Variants in FKBP7 observed in about 807,000 individuals in gnomAD.
FKBP7 encodes the protein FKBP prolyl isomerase 7, also known as peptidyl-prolyl cis-trans isomerase FKBP7.
FKBP7 carries 24 observed loss-of-function variants against 24.3 expected under a neutral mutation model. That is an observed-to-expected ratio of 0.99 (90% CI 0.72 to 1.39). FKBP7 has a LOEUF of 1.39. Among genes scored for constraint, FKBP7 ranks in the 40% most tolerant of loss-of-function variants. FKBP7 has a pLI of 0.00. For synonymous variants in FKBP7, 98 were observed against 92.8 expected (o/e 1.06, Z -0.32); for missense variants, 257 against 269.5 (o/e 0.95, Z 0.33).
rs371066998 is a variant in FKBP7 at position 178,477,077 on chromosome 2, C to T, written c.358G>A (p.Gly120Arg). ...KVVIPPSFAY[G>R]KEGYAEGKIP... Reference sequence around the variant, plus strand: ...AACATCTTACCATAGCCTTCCTTTCCGTATGCAAATGAAGGGGGTATAACT... The same window carrying T: ...AACATCTTACCATAGCCTTCCTTTCTGTATGCAAATGAAGGGGGTATAACT... The change falls in exon 2 of 4, where the codon GGA (glycine) becomes AGA (arginine). Residue 120 changes from glycine to arginine, a missense_variant. By Grantham distance (125) the Gly-to-Arg change is moderately radical (BLOSUM62 -2). Coordinates refer to ENST00000424785, the MANE Select transcript of FKBP7 (RefSeq NM_181342.3). The T allele has an allele frequency of 4.4e-6, 7 of 1,597,704 alleles. No individual in the cohort carries two copies. The highest frequency in any genetic ancestry group is 3.6e-5 in the Admixed American group (2 of 54,944).
chr2:178,470,158 C>G (rs1320172467), intron 2 of FKBP7, among the ~76,000 whole-genome samples: 1 of 152,072 alleles, frequency 6.6e-6, no homozygotes, highest in Non-Finnish European at 1.5e-5. Flanking sequence ...TGGATTCAAC[C>G]AGTCTCGGCT....
chr2:178,472,365 G>A (rs2154126933), intron 2 of FKBP7, among the ~76,000 whole-genome samples: 1 of 152,122 alleles, frequency 6.6e-6, no homozygotes, highest in Non-Finnish European at 1.5e-5. Flanking sequence ...ATACGCCACT[G>A]TGCCCAGCCC....
rs1685030364 is a variant in FKBP7 at position 178,477,087 on chromosome 2, T to A, written c.348A>T (p.Ser116=). The A allele has an allele frequency of 1.9e-6, 3 of 1,604,706 alleles. No individual in the cohort carries two copies. The South Asian group carries it at 3.4e-5, about 18-fold the overall frequency. The change falls in exon 2 of 4, where the codon TCA becomes TCT. Residue 116 remains serine (S), a synonymous_variant. Transcript: ENST00000424785. Reference sequence around the variant, plus strand: ...CATAGCCTTCCTTTCCGTATGCAAATGAAGGGGGTATAACTACTTTTCGCT... The same window carrying A: ...CATAGCCTTCCTTTCCGTATGCAAAAGAAGGGGGTATAACTACTTTTCGCT... ...GEKRKVVIPP[S]FAYGKEGYAE... is the part of the protein sequence containing the mutation.
chr2:178,473,138 A>G, intron 2 of FKBP7: 1 of 1,273,392 alleles, frequency 7.9e-7, no homozygotes, highest in Non-Finnish European at 1.0e-6. Context: ...TTCTTCAAGT[A>G]CTACCTAAAA....
intron 2 of FKBP7, chr2:178,473,246 T>C: frequency 4.6e-6 from 2 of 437,260 alleles, no homozygotes; most frequent in South Asian, 1.8e-5. Context: ...AGGTCTACAC[T>C]GCAACTTTTA....
Position 178,465,734 on chromosome 2 carries a change from A to G in FKBP7, c.*36T>C. 1 of 1,511,152 alleles carries G rather than the reference A, an allele frequency of 6.6e-7. No homozygotes were observed. The highest frequency in any genetic ancestry group is 8.8e-7 in the Non-Finnish European group (1 of 1,137,066). The allele number at this position is 1,511,152 out of a possible 1,614,324, so 93.6% of individuals were successfully genotyped here. A position where few individuals can be genotyped will look rare whatever the true frequency, so the allele number is the denominator to read the frequency against. ...CTTTGTTTTATACATAAAGTACAGT[A>G]AATAGCTAAAAAAAAAAAGTAGAAA... On this transcript the variant is annotated 3_prime_UTR_variant, in exon 4 of 4. Transcript: ENST00000424785.
Position 178,477,164 on chromosome 2 carries a change from G to T in FKBP7, c.271C>A (p.Gln91Lys), listed in dbSNP as rs771520845. ...GCAATGTCTAGGCCTTTTATGACTTGCCCAACACCAAGAACAAACCATTTG... is the reference window on the plus strand; with the variant it reads ...GCAATGTCTAGGCCTTTTATGACTTTCCCAACACCAAGAACAAACCATTTG... The part of the protein sequence containing the change: ...HPKWFVLGVG[Q>K]VIKGLDIAMT... The change falls in exon 2 of 4, where the codon CAA (glutamine) becomes AAA (lysine). Residue 91 changes from glutamine to lysine, a missense_variant. Coordinates refer to ENST00000424785, the MANE Select transcript of FKBP7 (RefSeq NM_181342.3). The T allele has an allele frequency of 1.2e-6, 2 of 1,612,800 alleles. No individual in the cohort carries two copies. The highest frequency in any genetic ancestry group is 2.2e-5 in the South Asian group (2 of 90,840).
At chr2:178,467,824 GATA>G (rs1386705869) in intron 3 of FKBP7, 7 of 152,164 alleles carry the variant, frequency 4.6e-5, no homozygotes, top group African/African-American at 1.7e-4. Flanking sequence ...GTGTGCCTGT[GATA>G]ATGAGTGGTC....
In FKBP7 at chr2:178,465,434, G is replaced by A. The variant is rs867456049; in HGVS notation, c.*336C>T. ...AACTGGATATTAACATGCTGGTAAG[G>A]TTAAAGTTGGGAAAAGCTTGCAGTT... On this transcript the variant is annotated 3_prime_UTR_variant, in exon 4 of 4. Coordinates refer to ENST00000424785, the MANE Select transcript of FKBP7 (RefSeq NM_181342.3). The A allele has an allele frequency of 2.9e-5, 5 of 171,282 alleles. No individual in the cohort carries two copies. Among genetic ancestry groups the A allele is most frequent in the South Asian group, 2.0e-4 (1 of 5,006 alleles). The allele number at this position is 171,282 out of a possible 1,614,324, so 10.6% of individuals were successfully genotyped here. A position where few individuals can be genotyped will look rare whatever the true frequency, so the allele number is the denominator to read the frequency against.
At chr2:178,476,336 TTTTTTG>T (rs1684999007) in intron 2 of FKBP7, among the ~76,000 whole-genome samples, 1 of 152,236 alleles carries the variant, frequency 6.6e-6, no homozygotes. Context: ...TTTATTTCAC[TTTTTTG>T]TTTTTAATTG....
At chr2:178,473,818 C>G (rs1684924868) in intron 2 of FKBP7, among the ~76,000 whole-genome samples, 1 of 152,214 alleles carries the variant, frequency 6.6e-6, no homozygotes, top group Non-Finnish European at 1.5e-5. Flanking sequence ...TTGCATTTGA[C>G]TTAATTTATT....
chr2:178,472,851 CAAAAAAA>C (rs71674220), intron 2 of FKBP7, among the ~76,000 whole-genome samples: 3 of 62,508 alleles, frequency 4.8e-5, no homozygotes, highest in Non-Finnish European at 7.8e-5. Flanking sequence ...GACTCCATCT[CAAAAAAA>C]AAAAAAAAAA....
Position 178,478,443 on chromosome 2 carries a change from G to T in FKBP7, c.57C>A (p.Gly19=), listed in dbSNP as rs754906705. The change falls in exon 1 of 4, where the codon GGC becomes GGA. Residue 19 remains glycine, a synonymous_variant. Transcript: ENST00000424785. The stretch of plus-strand genomic sequence containing the variant: ...TCTTTTGTCTCTGAGCAGTAAAAAG[G>T]CCCCACAGATAAAAGAAAACAATGA... ...FRFIVFFYLW[G]LFTAQRQKKE... is the part of the protein sequence containing the mutation. The T allele has an allele frequency of 5.0e-6, 8 of 1,614,138 alleles. No homozygotes were observed. Among genetic ancestry groups the T allele is most frequent in the African/African-American group, 4.0e-5 (3 of 75,028 alleles).
chr2:178,464,933 G>C lies in FKBP7; in HGVS notation c.*837C>G, dbSNP rs933869499. 4 of 152,166 alleles carry C rather than the reference G, an allele frequency of 2.6e-5. No individual in the cohort carries two copies. The highest frequency in any genetic ancestry group is 4.4e-5 in the Non-Finnish European group (3 of 68,026). The allele number at this position is 152,166 out of a possible 1,614,324, so 9.4% of individuals were successfully genotyped here. On this transcript the variant is annotated 3_prime_UTR_variant, in exon 4 of 4. Coordinates refer to ENST00000424785, the MANE Select transcript of FKBP7 (RefSeq NM_181342.3). ...TGGGAAATGAGGTGACATAAGGAAA[G>C]AGATAACTAGAGAAAGGGAACGAAA...
intron 2 of FKBP7, among the ~76,000 whole-genome samples, chr2:178,473,490 A>T (rs1243316433): frequency 6.6e-6 from 1 of 152,222 alleles, no homozygotes; most frequent in East Asian, 1.9e-4. Flanking sequence ...CAAGTTTCTG[A>T]TTTATTAAGA....
Position 178,463,761 on chromosome 2 carries a change from T to A in FKBP7, c.*2009A>T, listed in dbSNP as rs1309237473. On this transcript the variant is annotated 3_prime_UTR_variant, in exon 4 of 4. Coordinates refer to ENST00000424785, the MANE Select transcript of FKBP7 (RefSeq NM_181342.3). ...TCATGTGGCATTATCTGTCATTTTT[T>A]AAAAACAAGTTTAAAAGCACTTTGT... 9 of 152,202 alleles carry A rather than the reference T, an allele frequency of 5.9e-5. No individual in the cohort carries two copies. The highest frequency in any genetic ancestry group is 3.9e-4 in the Admixed American group (6 of 15,280). The allele number at this position is 152,202 out of a possible 1,614,324, so 9.4% of individuals were successfully genotyped here.
At chr2:178,470,947 C>T (rs961873154) in intron 2 of FKBP7, among the ~76,000 whole-genome samples, 2 of 151,392 alleles carry the variant, frequency 1.3e-5, no homozygotes, top group Admixed American at 6.6e-5. Flanking sequence ...GTGCAATCTC[C>T]GCTTACTGCA....
chr2:178,477,176 G>T lies in FKBP7; in HGVS notation c.259C>A (p.Leu87Ile), dbSNP rs368432061. The change falls in exon 2 of 4, where the codon CTT (leucine) becomes ATT (isoleucine). Residue 87 changes from leucine to isoleucine, a missense_variant. Physicochemically the swap from Leu to Ile is conservative, Grantham distance 5. Coordinates refer to ENST00000424785, the MANE Select transcript of FKBP7 (RefSeq NM_181342.3). ...CCTTTTATGACTTGCCCAACACCAA[G>T]AACAAACCATTTGGGGTGGCCTTCA... ...QNEGHPKWFV[L>I]GVGQVIKGLD... is the part of the protein sequence containing the mutation. 7 of 1,612,232 alleles carry T rather than the reference G, an allele frequency of 4.3e-6. No homozygotes were observed. The highest frequency in any genetic ancestry group is 5.9e-6 in the Non-Finnish European group (7 of 1,179,516).
Position 178,478,360 on chromosome 2 carries a change from G to A in FKBP7, c.140C>T (p.Ser47Phe). The A allele has an allele frequency of 6.2e-7, 1 of 1,614,152 alleles. No homozygotes were observed. Among genetic ancestry groups the A allele is most frequent in the Non-Finnish European group, 8.5e-7 (1 of 1,180,014 alleles). ...IEVLHRPENC[S>F]KTSKKGDLLN... is the part of the protein sequence containing the mutation. Reference sequence around the variant, plus strand: ...TAGGTCTCCCTTCTTGCTTGTCTTAGAGCAGTTTTCTGGACGATGCAAAAC... The same window carrying A: ...TAGGTCTCCCTTCTTGCTTGTCTTAAAGCAGTTTTCTGGACGATGCAAAAC... The change falls in exon 1 of 4, where the codon TCT becomes TTT. Residue 47 changes from serine to phenylalanine, a missense_variant. Transcript: ENST00000424785.
Sources: gnomAD v4.1 joint callset for allele counts (sites outside exome capture counted in the v4.1 genomes callset) on GRCh38, gnomAD v4.1.1 for gene constraint, MANE v1.5 for transcripts, NCBI Gene and HGNC (gene_info 2026-07-23, HGNC 2026-07-21) for gene names.